Variants in OTUD7A observed in about 807,000 individuals in gnomAD.
OTUD7A encodes the protein OTU domain-containing protein 7A.
A neutral mutation model predicts 65.7 loss-of-function variants in OTUD7A; 12 were observed. That is an observed-to-expected ratio of 0.18 (90% CI 0.12 to 0.30). The LOEUF (loss-of-function observed/expected upper bound fraction) is 0.30. Among genes scored for constraint, OTUD7A ranks in the 10% least tolerant of loss-of-function variants. The pLI, the probability that OTUD7A is intolerant of heterozygous loss-of-function variation, is 1.00. For synonymous variants in OTUD7A, 641 were observed against 586.3 expected, an observed-to-expected ratio of 1.09 and a Z score of -1.35; for missense variants, 1,148 against 1,304.8, an observed-to-expected ratio of 0.88 and a Z score of 1.85.
intron 1 of OTUD7A, among the ~76,000 whole-genome samples, chr15:31,718,582 A>G (rs2141345895): frequency 6.6e-6 from 1 of 150,416 alleles, no homozygotes; most frequent in South Asian, 2.2e-4. Flanking sequence ...CTCTTTGGCC[A>G]CTTGTTTTTT....
intron 3 of OTUD7A, among the ~76,000 whole-genome samples, chr15:31,626,889 T>TTG (rs1555402765): frequency 6.7e-6 from 1 of 150,346 alleles, no homozygotes; most frequent in African/African-American, 2.5e-5. Flanking sequence ...ATTTGTTTTT[T>TTG]TTTTGTTTTG....
intron 1 of OTUD7A, among the ~76,000 whole-genome samples, chr15:31,761,761 T>G (rs761344927): frequency 1.1e-4 from 16 of 152,114 alleles, no homozygotes; most frequent in Admixed American, 5.9e-4. Context: ...AACCCAAATA[T>G]CCATCAACTG....
chr15:31,683,336 C>T (rs1441970243), intron 1 of OTUD7A, among the ~76,000 whole-genome samples: 2 of 152,132 alleles, frequency 1.3e-5, no homozygotes, highest in African/African-American at 2.4e-5. Flanking sequence ...CTGAAGAACC[C>T]ACCCAGCTTT....
chr15:31,825,505 T>C (rs1896777095), intron 1 of OTUD7A, among the ~76,000 whole-genome samples: 1 of 152,160 alleles, frequency 6.6e-6, no homozygotes, highest in Admixed American at 6.5e-5. Context: ...TCCCACAACA[T>C]GTAGGAATTC....
chr15:31,508,355 T>C (rs2041615306), intron 8 of OTUD7A, among the ~76,000 whole-genome samples: 1 of 152,080 alleles, frequency 6.6e-6, no homozygotes, highest in Non-Finnish European at 1.5e-5. Context: ...GGATGTGTTT[T>C]TGTTTTGTTT....
At chr15:31,828,778 G>A (rs1249644577) in intron 1 of OTUD7A, among the ~76,000 whole-genome samples, 6 of 152,142 alleles carry the variant, frequency 3.9e-5, no homozygotes, top group Non-Finnish European at 8.8e-5. Flanking sequence ...CTAATACAAA[G>A]CATTTATTGT....
chr15:31,679,157 T>A (rs1892657061), intron 1 of OTUD7A, among the ~76,000 whole-genome samples: 1 of 152,204 alleles, frequency 6.6e-6, no homozygotes, highest in Admixed American at 6.5e-5. Context: ...ATTTCTCCAA[T>A]TTGGAATGGC....
At chr15:31,858,395 G>A (rs986225340) in intron 1 of OTUD7A, among the ~76,000 whole-genome samples, 3 of 152,148 alleles carry the variant, frequency 2.0e-5, no homozygotes, top group African/African-American at 7.2e-5. Flanking sequence ...TCTACAAAGG[G>A]GAAATTCCAG....
intron 1 of OTUD7A, among the ~76,000 whole-genome samples, chr15:31,807,409 A>G (rs970151714): frequency 1.3e-5 from 2 of 152,216 alleles, no homozygotes; most frequent in African/African-American, 4.8e-5. Context: ...GAACGTGATC[A>G]ATGACATTCT....
At chr15:31,560,886 G>C (rs913864533) in intron 4 of OTUD7A, among the ~76,000 whole-genome samples, 33 of 152,154 alleles carry the variant, frequency 2.2e-4, no homozygotes, top group African/African-American at 7.7e-4. Context: ...CTTTCACCCG[G>C]AACAGCAGCA....
Position 31,483,564 on chromosome 15 carries a change from C to T in OTUD7A, c.2532G>A (p.Ala844=). ...ARAVPGALPG[A]AGTAGAAEHK... ...GCTCGGCCGCCCCCGCCGTCCCCGC[C>T]GCGCCCGGTAGGGCCCCGGGCACCG... is the stretch of plus-strand genomic sequence containing the variant. Residue 844 remains alanine (A), a synonymous_variant, in exon 13 of 13, where the codon GCG becomes GCA. Coordinates refer to ENST00000307050, the MANE Select transcript of OTUD7A (RefSeq NM_001382637.1). The T allele has an allele frequency of 7.7e-7, 1 of 1,303,160 alleles. No individual in the cohort carries two copies. The highest frequency in any genetic ancestry group is 9.8e-7 in the Non-Finnish European group (1 of 1,023,972). The allele number at this position is 1,303,160 out of a possible 1,614,324, so 80.7% of individuals were successfully genotyped here.
At chr15:31,544,732 A>G (rs1888081107) in intron 5 of OTUD7A, among the ~76,000 whole-genome samples, 1 of 151,984 alleles carries the variant, frequency 6.6e-6, no homozygotes, top group African/African-American at 2.4e-5. Flanking sequence ...AATAGCTGGT[A>G]GAATAAGTGG....
intron 8 of OTUD7A, among the ~76,000 whole-genome samples, chr15:31,516,958 C>A (rs1326835185): frequency 2.6e-5 from 4 of 152,172 alleles, no homozygotes; most frequent in Non-Finnish European, 5.9e-5. Flanking sequence ...GAAGCAGAGG[C>A]TACCCCAGGC....
chr15:31,483,479 C>A lies in OTUD7A; in HGVS notation c.2617G>T (p.Asp873Tyr). 7.2e-7 allele frequency: 1 copy of A among 1,391,244 alleles called. No individual in the cohort carries two copies. The highest frequency in any genetic ancestry group is 9.3e-7 in the Non-Finnish European group (1 of 1,071,736). The allele number at this position is 1,391,244 out of a possible 1,614,324, so 86.2% of individuals were successfully genotyped here. The change falls in exon 13 of 13, where the codon GAC (aspartate) becomes TAC (tyrosine). Residue 873 changes from aspartate (D) to tyrosine (Y), a missense_variant. This residue lies in a region of OTUD7A where 842 missense variants were observed against 769.5 expected (regional missense o/e 1.09). Coordinates refer to ENST00000307050, the MANE Select transcript of OTUD7A (RefSeq NM_001382637.1). ...GALRDGLEFA[D>Y]ADAPTARSNG... ...GAGCGCGCGGTCGGCGCGTCGGCGT[C>A]GGCGAACTCCAGGCCGTCGCGCAGG...
In OTUD7A at chr15:31,688,474, A is replaced by T. The variant is rs372991369; in HGVS notation, c.-99-31397T>A. The stretch of plus-strand genomic sequence containing the variant: ...AAAAACGAAAGCAGGCCTTTAGTTC[A>T]GATAAAAAGAGGCGTAACTGAATTC... On this transcript the variant is annotated intron_variant, in intron 1 of 12. Coordinates refer to ENST00000307050, the MANE Select transcript of OTUD7A (RefSeq NM_001382637.1). Among the ~76,000 whole-genome samples, 23 of 152,120 alleles carry T rather than the reference A, an allele frequency of 1.5e-4. No individual in the cohort carries two copies. The East Asian group carries it at 3.3e-3, about 22-fold the overall frequency.
chr15:31,602,488 A>G (rs1890108092), intron 3 of OTUD7A, among the ~76,000 whole-genome samples: 1 of 152,192 alleles, frequency 6.6e-6, no homozygotes. Flanking sequence ...ACAAACCCAG[A>G]GCTAACATCA....
At chr15:31,802,133 G>A (rs559327076) in intron 1 of OTUD7A, among the ~76,000 whole-genome samples, 166 of 117,280 alleles carry the variant, frequency 1.4e-3, no homozygotes, top group African/African-American at 4.9e-3. Context: ...GTGTGTGTGT[G>A]TGTGTGTGTA....
chr15:31,758,324 C>T (rs1222310581), intron 1 of OTUD7A, among the ~76,000 whole-genome samples: 1 of 152,192 alleles, frequency 6.6e-6, no homozygotes, highest in African/African-American at 2.4e-5. Context: ...ATGTGGTCAT[C>T]GCCCTCTGGG....
At chr15:31,840,455 AAT>A (rs1897157570) in intron 1 of OTUD7A, among the ~76,000 whole-genome samples, 7 of 152,126 alleles carry the variant, frequency 4.6e-5, no homozygotes, top group Non-Finnish European at 8.8e-5. Flanking sequence ...AAAAAATAAA[AAT>A]AAAAATAAAA....
Sources: gnomAD v4.1 joint callset for allele counts (sites outside exome capture counted in the v4.1 genomes callset) on GRCh38, gnomAD v4.1.1 for gene constraint, gnomAD v4.1.1 regional missense constraint, MANE v1.5 for transcripts, NCBI Gene and HGNC (gene_info 2026-07-23, HGNC 2026-07-21) for gene names.